SATB2: variants seen among roughly 807,000 people sequenced by gnomAD.
SATB2 encodes SATB homeobox 2.
SATB2 carries 1 observed loss-of-function variant against 73.4 expected under a neutral mutation model. The observed-to-expected ratio is 0.01, with a 90% confidence interval of 0.00 to 0.06. The LOEUF (loss-of-function observed/expected upper bound fraction) is 0.06. SATB2 is among the 10% of genes least tolerant of loss of function. SATB2 has a pLI of 1.00. For missense variants in SATB2, 459 were observed against 945.8 expected (o/e 0.49, Z 6.75); for synonymous variants, 397 against 367.0 (o/e 1.08, Z -0.93).
intron 7 of SATB2, among the ~76,000 whole-genome samples, chr2:199,334,434 A>C (rs1302399334): frequency 2.0e-5 from 3 of 152,174 alleles, no homozygotes; most frequent in Non-Finnish European, 4.4e-5. Flanking sequence ...AGTAAAGTTA[A>C]AACAAATCAC....
At chr2:199,351,029 CAAAA>C (rs35503848) in intron 6 of SATB2, among the ~76,000 whole-genome samples, 1 of 71,688 alleles carries the variant, frequency 1.4e-5, no homozygotes. Flanking sequence ...ACTCTGTCTC[CAAAA>C]AAAAAAAAAA....
chr2:199,387,285 C>T (rs1324349965), intron 3 of SATB2, among the ~76,000 whole-genome samples: 1 of 152,204 alleles, frequency 6.6e-6, no homozygotes, highest in Non-Finnish European at 1.5e-5. Context: ...CACGTCCAAG[C>T]GCCCAACCAC....
At position 199,433,522 on chromosome 2, in the gene SATB2, G is replaced by A. The variant is rs771945626; in HGVS notation, c.170-8C>T. On this transcript the variant is annotated splice_polypyrimidine_tract_variant and splice_region_variant and intron_variant, in intron 2 of 10. Coordinates refer to ENST00000417098, the MANE Select transcript of SATB2 (RefSeq NM_001172509.2). ...AGACAGGAATCATCAAACCTGAAGG[G>A]ACAAAATTCAAGAGCAAAACACAAA... is the stretch of plus-strand genomic sequence containing the variant. 11 of 1,613,640 alleles carry A rather than the reference G, an allele frequency of 6.8e-6. No homozygotes were observed. Among genetic ancestry groups the A allele is most frequent in the South Asian group, 2.2e-5 (2 of 91,058 alleles).
chr2:199,278,879 C>T (rs1368430985), intron 10 of SATB2, among the ~76,000 whole-genome samples: 1 of 152,158 alleles, frequency 6.6e-6, no homozygotes, highest in Non-Finnish European at 1.5e-5. Context: ...ATATTAAAAA[C>T]AGCCCTGGGT....
chr2:199,273,739 CTAATGT>C (rs948241517), intron 10 of SATB2, among the ~76,000 whole-genome samples: 41 of 151,946 alleles, frequency 2.7e-4, no homozygotes, highest in Admixed American at 2.4e-3. Flanking sequence ...TTTTTTTCTC[CTAATGT>C]TAAAGTTTTC....
chr2:199,364,293 A>T (rs1559005198), intron 6 of SATB2, among the ~76,000 whole-genome samples: 1 of 152,176 alleles, frequency 6.6e-6, no homozygotes, highest in Non-Finnish European at 1.5e-5. Flanking sequence ...TTTAATTTTC[A>T]TTCAACATCT....
In SATB2 at chr2:199,323,976, A is replaced by G; in HGVS notation, c.1387-18T>C. Reference sequence around the variant, plus strand: ...GTTTTGGCCTACCAAGAGACCATGAAAATAATAATTTAAAAAGTGCTGCAT... The same window carrying G: ...GTTTTGGCCTACCAAGAGACCATGAGAATAATAATTTAAAAAGTGCTGCAT... On this transcript the variant is annotated intron_variant, in intron 8 of 10. Transcript: ENST00000417098. The G allele has an allele frequency of 6.2e-7, 1 of 1,613,198 alleles. No homozygotes were observed. Among genetic ancestry groups the G allele is most frequent in the Non-Finnish European group, 8.5e-7 (1 of 1,179,356 alleles).
At chr2:199,302,867 G>A (rs1027915681) in intron 10 of SATB2, among the ~76,000 whole-genome samples, 3 of 152,146 alleles carry the variant, frequency 2.0e-5, no homozygotes, top group African/African-American at 7.2e-5. Flanking sequence ...TTAGCGATAA[G>A]AGGCACATTC....
chr2:199,295,795 T>C (rs182227112), intron 10 of SATB2, among the ~76,000 whole-genome samples: 3 of 152,338 alleles, frequency 2.0e-5, no homozygotes, highest in Admixed American at 2.0e-4. Flanking sequence ...GCAGTGAATT[T>C]GATCTGGAAA....
intron 7 of SATB2, among the ~76,000 whole-genome samples, chr2:199,336,367 T>C (rs2105806422): frequency 6.6e-6 from 1 of 152,260 alleles, no homozygotes; most frequent in Middle Eastern, 3.4e-3. Flanking sequence ...GCCCTTCTTA[T>C]TCCTAGTTTC....
At chr2:199,452,003 T>C (rs1692137536) in intron 2 of SATB2, among the ~76,000 whole-genome samples, 1 of 152,100 alleles carries the variant, frequency 6.6e-6, no homozygotes, top group Non-Finnish European at 1.5e-5. Context: ...AAAACATAAA[T>C]TATTTTTCAG....
chr2:199,335,178 T>C, intron 7 of SATB2, among the ~76,000 whole-genome samples: 1 of 152,170 alleles, frequency 6.6e-6, no homozygotes, highest in East Asian at 1.9e-4. Context: ...ATGTCGTTAT[T>C]GCATTAGTTT....
intron 7 of SATB2, among the ~76,000 whole-genome samples, chr2:199,339,230 G>A (rs962646207): frequency 2.0e-5 from 3 of 152,118 alleles, no homozygotes; most frequent in Non-Finnish European, 4.4e-5. Flanking sequence ...ATTAACAACA[G>A]ATAGTCTTAT....
In SATB2 at chr2:199,370,946, CAAAAAAA is replaced by C. The variant is rs67348909; in HGVS notation, c.598-2246_598-2240del. Reference sequence around the variant, plus strand: ...AAACAGGTTTCAACTATGAACTGAGCAAAAAAAAAAAAAAAAAAAAAGTAGCAAACAA... The same window carrying C: ...AAACAGGTTTCAACTATGAACTGAGCAAAAAAAAAAAAAAGTAGCAAACAA... On this transcript the variant is annotated intron_variant, in intron 5 of 10. Transcript: ENST00000417098. Among the ~76,000 whole-genome samples the C allele has an allele frequency of 6.8e-3, 475 of 69,554 alleles. 1 individual carries two copies. The highest frequency in any genetic ancestry group is 0.011 in the Non-Finnish European group (365 of 32,288). 45.6% of individuals were successfully genotyped at this position (69,554 alleles called of 152,430 possible).
At chr2:199,295,969 G>A (rs1693018703) in intron 10 of SATB2, among the ~76,000 whole-genome samples, 1 of 152,098 alleles carries the variant, frequency 6.6e-6, no homozygotes, top group Non-Finnish European at 1.5e-5. Context: ...TCATTACAAG[G>A]GGAAGTTCCA....
intron 9 of SATB2, among the ~76,000 whole-genome samples, chr2:199,309,694 T>A (rs1687540554): frequency 6.6e-6 from 1 of 152,198 alleles, no homozygotes; most frequent in East Asian, 1.9e-4. Context: ...ATGAAAATAA[T>A]ACAGAGGATG....
At chr2:199,354,114 T>A (rs1250966134) in intron 6 of SATB2, among the ~76,000 whole-genome samples, 1 of 152,180 alleles carries the variant, frequency 6.6e-6, no homozygotes, top group East Asian at 1.9e-4. Context: ...TCCCAGCACT[T>A]TGGAAGGCCA....
At chr2:199,446,533 C>T (rs1691967527) in intron 2 of SATB2, among the ~76,000 whole-genome samples, 1 of 151,908 alleles carries the variant, frequency 6.6e-6, no homozygotes, top group Admixed American at 6.6e-5. Flanking sequence ...AAATTCCTTC[C>T]AAGGCAAAAA....
intron 3 of SATB2, among the ~76,000 whole-genome samples, chr2:199,382,584 C>T (rs560494750): frequency 1.3e-5 from 2 of 152,136 alleles, no homozygotes; most frequent in Non-Finnish European, 2.9e-5. Context: ...TTTAGGAATA[C>T]CCTTGTTAGA....
Sources: allele counts gnomAD v4.1 joint callset (sites outside exome capture counted in the v4.1 genomes callset), GRCh38; gene constraint gnomAD v4.1.1; transcripts MANE v1.5; gene names NCBI Gene and HGNC (gene_info 2026-07-23, HGNC 2026-07-21).